IMMP2L: variants seen among roughly 807,000 people sequenced by gnomAD.
IMMP2L encodes the protein mitochondrial inner membrane protease subunit 2.
IMMP2L carries 18 observed loss-of-function variants against 19.3 expected under a neutral mutation model. The ratio of observed to expected loss-of-function variants is 0.93; its 90% CI spans 0.64 to 1.38. The LOEUF is 1.38. IMMP2L is among the 40% of genes most tolerant of loss of function. The pLI is 0.00. For synonymous variants in IMMP2L, 76 were observed against 73.0 expected, an observed-to-expected ratio of 1.04 and a Z score of -0.21; for missense variants, 233 against 218.2, an observed-to-expected ratio of 1.07 and a Z score of -0.43.
chr7:111,036,025 A>G (rs1417062235), intron 3 of IMMP2L, among the ~76,000 whole-genome samples: 1 of 152,214 alleles, frequency 6.6e-6, no homozygotes, highest in African/African-American at 2.4e-5. Context: ...AGCCTAGCAC[A>G]TAGGAAGTTC....
rs188233828 is a variant in IMMP2L, at chr7:111,487,218, T to C, written c.239+20A>G. ...TAAATAATTTTATATACAAATATAG[T>C]ATGCTTCTGAGTTACTTACACCAAT... is the stretch of plus-strand genomic sequence containing the variant. On this transcript the variant is annotated intron_variant, in intron 3 of 5. Transcript: ENST00000405709. The C allele has an allele frequency of 1.4e-5, 15 of 1,074,464 alleles. No individual in the cohort carries two copies. In the East Asian group the frequency reaches 3.3e-4, roughly 24 times the overall value. 66.6% of individuals were successfully genotyped at this position (1,074,464 alleles called of 1,614,324 possible). A position where few individuals can be genotyped will look rare whatever the true frequency, so the allele number is the denominator to read the frequency against.
chr7:110,782,017 G>A (rs981622884), intron 5 of IMMP2L, among the ~76,000 whole-genome samples: 10 of 151,748 alleles, frequency 6.6e-5, no homozygotes, highest in Non-Finnish European at 1.5e-4. Context: ...TTATAACCCA[G>A]TAGTGGTTGT....
At chr7:111,065,931 C>T (rs542582156) in intron 3 of IMMP2L, among the ~76,000 whole-genome samples, 30 of 151,204 alleles carry the variant, frequency 2.0e-4, no homozygotes, top group African/African-American at 4.4e-4. Flanking sequence ...CGTGTATGCG[C>T]GCGCACGCTT....
chr7:110,714,107 G>A (rs1215471443), intron 5 of IMMP2L, among the ~76,000 whole-genome samples: 1 of 152,108 alleles, frequency 6.6e-6, no homozygotes, highest in African/African-American at 2.4e-5. Context: ...TTCCTTTAAT[G>A]CCTAGTTTCT....
intron 3 of IMMP2L, among the ~76,000 whole-genome samples, chr7:111,179,072 C>T (rs1436273365): frequency 6.6e-6 from 1 of 151,928 alleles, no homozygotes; most frequent in Non-Finnish European, 1.5e-5. Context: ...GTCAAAATTC[C>T]TCTTTGATTC....
intron 5 of IMMP2L, among the ~76,000 whole-genome samples, chr7:110,717,515 C>T (rs1795306256): frequency 6.6e-6 from 1 of 151,998 alleles, no homozygotes; most frequent in Admixed American, 6.6e-5. Flanking sequence ...GTGTAAGCAC[C>T]CAAAGGGAAG....
At chr7:111,239,679 C>T (rs750231030) in intron 3 of IMMP2L, among the ~76,000 whole-genome samples, 30 of 151,870 alleles carry the variant, frequency 2.0e-4, no homozygotes, top group Non-Finnish European at 3.4e-4. Flanking sequence ...AATCTTCTCC[C>T]ACATTTTCAA....
At chr7:110,969,082 A>G (rs1819867233) in intron 3 of IMMP2L, among the ~76,000 whole-genome samples, 1 of 152,144 alleles carries the variant, frequency 6.6e-6, no homozygotes, top group Non-Finnish European at 1.5e-5. Context: ...AAGAAACAGC[A>G]AAACTAAATA....
chr7:111,036,285 G>A (rs1025820485), intron 3 of IMMP2L, among the ~76,000 whole-genome samples: 16 of 152,206 alleles, frequency 1.1e-4, no homozygotes, highest in Non-Finnish European at 1.6e-4. Flanking sequence ...GAGACGCACT[G>A]TGAATAAAAT....
At chr7:110,751,605 T>C (rs140250924) in intron 5 of IMMP2L, among the ~76,000 whole-genome samples, 2,258 of 152,090 alleles carry the variant, frequency 0.015, 56 homozygotes, top group African/African-American at 0.051. Flanking sequence ...ACATAATAAA[T>C]TGTAATAAGG....
Position 111,534,904 on chromosome 7 carries a change from T to C in IMMP2L, c.-2-13455A>G, listed in dbSNP as rs187423522. Among the ~76,000 whole-genome samples the C allele has an allele frequency of 1.9e-3, 288 of 152,186 alleles. 2 individuals carry two copies. The highest frequency in any genetic ancestry group is 6.6e-3 in the African/African-American group (275 of 41,520). On this transcript the variant is annotated intron_variant, in intron 1 of 5. Transcript: ENST00000405709. ...ATAGAATAAAATCAACAGATCAATATCCTAGAGCAGATTTTCAACTTTGAT... is the reference window on the plus strand; with the variant it reads ...ATAGAATAAAATCAACAGATCAATACCCTAGAGCAGATTTTCAACTTTGAT...
intron 3 of IMMP2L, among the ~76,000 whole-genome samples, chr7:111,480,368 C>G (rs886478217): frequency 9.2e-5 from 14 of 152,024 alleles, no homozygotes; most frequent in African/African-American, 3.1e-4. Context: ...GCGTGAGCCA[C>G]TGTTCCCGGC....
At chr7:111,033,402 G>A (rs1180713863) in intron 3 of IMMP2L, among the ~76,000 whole-genome samples, 1 of 152,048 alleles carries the variant, frequency 6.6e-6, no homozygotes, top group Non-Finnish European at 1.5e-5. Flanking sequence ...CACTTTGAAA[G>A]AGGGTTTGGC....
chr7:110,862,617 T>A (rs758934257), intron 5 of IMMP2L, among the ~76,000 whole-genome samples: 4 of 151,836 alleles, frequency 2.6e-5, no homozygotes, highest in Non-Finnish European at 5.9e-5. Context: ...AGTATTGGGA[T>A]TATAGGTGTG....
intron 3 of IMMP2L, among the ~76,000 whole-genome samples, chr7:111,228,930 T>C (rs1486199573): frequency 6.6e-6 from 1 of 151,456 alleles, no homozygotes; most frequent in African/African-American, 2.4e-5. Context: ...CAGTTAAACA[T>C]GGTGCAAAGA....
intron 5 of IMMP2L, among the ~76,000 whole-genome samples, chr7:110,668,724 G>T (rs1791630926): frequency 6.6e-6 from 1 of 151,952 alleles, no homozygotes; most frequent in South Asian, 2.1e-4. Context: ...AATTCTATCA[G>T]ATAACATCAA....
intron 3 of IMMP2L, chr7:111,394,972 A>AC (rs1188882965): frequency 4.0e-4 from 97 of 241,504 alleles, no homozygotes; most frequent in African/African-American, 2.0e-3. Context: ...GTATTTGAAC[A>AC]CACTGTTATA....
At chr7:111,331,537 T>C (rs999138346) in intron 3 of IMMP2L, among the ~76,000 whole-genome samples, 4 of 151,864 alleles carry the variant, frequency 2.6e-5, no homozygotes, top group African/African-American at 9.7e-5. Flanking sequence ...CTGCACATCT[T>C]AAAATTGCTA....
At chr7:110,806,879 A>G (rs1801673364) in intron 5 of IMMP2L, among the ~76,000 whole-genome samples, 1 of 151,996 alleles carries the variant, frequency 6.6e-6, no homozygotes, top group African/African-American at 2.4e-5. Flanking sequence ...CATTTGAAAA[A>G]CAGTTAAATA....
Sources: gnomAD v4.1 joint callset for allele counts (sites outside exome capture counted in the v4.1 genomes callset) on GRCh38, gnomAD v4.1.1 for gene constraint, MANE v1.5 for transcripts, NCBI Gene and HGNC (gene_info 2026-07-23, HGNC 2026-07-21) for gene names.